The following GPN2 variants were observed in gnomAD, a reference collection of about 807,000 sequenced individuals.
GPN2 encodes the protein ATP-binding domain 1 family member B.
In GPN2, 27 loss-of-function variants were observed where a neutral mutation model predicts 30.1. That is an observed-to-expected ratio of 0.90 (90% CI 0.66 to 1.24). GPN2 has a LOEUF of 1.24. Ranked by LOEUF, GPN2 falls within the 50% of genes most tolerant of loss-of-function variation. GPN2 has a pLI of 0.00. For synonymous variants in GPN2, 212 were observed against 174.4 expected (o/e 1.22, Z -1.70); for missense variants, 406 against 405.4 (o/e 1.00, Z -0.01).
intron 1 of GPN2, 101 bp from the exon 2 acceptor site, chr1:26,889,226 T>C: frequency 1.2e-6 from 1 of 869,034 alleles, no homozygotes; most frequent in Non-Finnish European, 1.8e-6. Context: ...CTTTCCCCAT[T>C]AGTCTCCTGC....
chr1:26,882,971 C>G (rs997742898), intron 4 of GPN2, among the ~76,000 whole-genome samples: 1 of 152,244 alleles, frequency 6.6e-6, no homozygotes, highest in Non-Finnish European at 1.5e-5. Flanking sequence ...CTATCCCATT[C>G]AGTCACTGAC....
chr1:26,885,869 G>A (rs1028929505), intron 3 of GPN2, 104 bp downstream of exon 3: 21 of 902,294 alleles, frequency 2.3e-5, no homozygotes, highest in South Asian at 1.2e-4. Context: ...TTGAGCAACC[G>A]CGCCCAGCCG....
chr1:26,889,795 G>C lies in GPN2; in HGVS notation c.302C>G (p.Pro101Arg). 1 of 1,613,906 alleles carries C rather than the reference G, an allele frequency of 6.2e-7. No homozygotes were observed. Among genetic ancestry groups the C allele is most frequent in the Middle Eastern group, 1.6e-4 (1 of 6,062 alleles). ...NLDWLRAKLD[P>R]LRGHYFLFDC... ...GAAGAGGAAGTAGTGGCCGCGGAGG[G>C]GGTCGAGCTTGGCACGCAGCCAGTC... The change falls in exon 1 of 5, where the codon CCC (proline) becomes CGC (arginine). Residue 101 changes from proline to arginine, a missense_variant. By Grantham distance (103) the Pro-to-Arg change is moderately radical. Coordinates refer to ENST00000374135, the MANE Select transcript of GPN2 (RefSeq NM_018066.4).
At chr1:26,881,927 A>G (rs545309167) in intron 4 of GPN2, among the ~76,000 whole-genome samples, 2 of 151,972 alleles carry the variant, frequency 1.3e-5, no homozygotes, top group Admixed American at 6.6e-5. Context: ...TAAATATAAA[A>G]GTTGCAGGCC....
Position 26,889,822 on chromosome 1 carries a change from A to G in GPN2, c.275T>C (p.Leu92Pro). ...LYCMEYLEAN[L>P]DWLRAKLDPL... ...GTCGAGCTTGGCACGCAGCCAGTCC[A>G]GGTTGGCTTCCAGGTACTCCATGCA... The change falls in exon 1 of 5, where the codon CTG (leucine) becomes CCG (proline). Residue 92 changes from leucine (L) to proline (P), a missense_variant. By Grantham distance (98) the Leu-to-Pro change is moderately conservative (BLOSUM62 -3). Transcript: ENST00000374135. 6.2e-7 allele frequency: 1 copy of G among 1,613,812 alleles called. No individual in the cohort carries two copies. Among genetic ancestry groups the G allele is most frequent in the Non-Finnish European group, 8.5e-7 (1 of 1,180,018 alleles).
rs1253758566 is a variant in GPN2, at chr1:26,878,652, T to C, written c.*1025A>G. 3.3e-5 allele frequency: 5 copies of C among 151,418 alleles called. No homozygotes were observed. The highest frequency in any genetic ancestry group is 3.3e-4 in the Admixed American group (5 of 15,206). The allele number at this position is 151,418 out of a possible 1,614,324, so 9.4% of individuals were successfully genotyped here. A position where few individuals can be genotyped will look rare whatever the true frequency, so the allele number is the denominator to read the frequency against. ...GCTCTGTCACCAGGCTGGAGTGCAG[T>C]GGTGCAATCTCAGCTCACTGTAACC... is the stretch of plus-strand genomic sequence containing the variant. On this transcript the variant is annotated 3_prime_UTR_variant, in exon 5 of 5. Coordinates refer to ENST00000374135, the MANE Select transcript of GPN2 (RefSeq NM_018066.4).
At chr1:26,885,951 G>A in intron 3 of GPN2, 22 bp downstream of exon 3, 2 of 1,583,548 alleles carry the variant, frequency 1.3e-6, no homozygotes, top group Non-Finnish European at 1.7e-6. Context: ...ACTGTCAAGA[G>A]TCCCGTCTTA....
rs770326212 is a variant in GPN2 at position 26,884,208 on chromosome 1, A to G, written c.812T>C (p.Leu271Ser). Residue 271 changes from leucine to serine, a missense_variant, in exon 4 of 5, where the codon TTG becomes TCG. Transcript: ENST00000374135. ...CATTGCGGCAGACATCATGGCTTCCAAGCTTCGCTGCTCTTGGGCTCTGAA... is the reference window on the plus strand; with the variant it reads ...CATTGCGGCAGACATCATGGCTTCCGAGCTTCGCTGCTCTTGGGCTCTGAA... ...YCFRAQEQRS[L>S]EAMMSAAMGA... 1 of 1,614,068 alleles carries G rather than the reference A, an allele frequency of 6.2e-7. No homozygotes were observed. Among genetic ancestry groups the G allele is most frequent in the Non-Finnish European group, 8.5e-7 (1 of 1,180,002 alleles).
intron 4 of GPN2, among the ~76,000 whole-genome samples, chr1:26,882,507 C>T (rs2081869570): frequency 1.3e-5 from 2 of 152,130 alleles, no homozygotes; most frequent in Admixed American, 6.6e-5. Flanking sequence ...ATAAGTCATT[C>T]CTCCAACCCC....
intron 2 of GPN2, chr1:26,886,481 G>T (rs775243561): frequency 2.2e-6 from 1 of 457,004 alleles, no homozygotes; most frequent in South Asian, 1.6e-5. Flanking sequence ...GATTACCTGA[G>T]GTCAGGAGTT....
At position 26,890,246 on chromosome 1, in the gene GPN2, C is replaced by A; in HGVS notation, c.-150G>T. ...TCAGGCGGAACAGCTGAGACCGTGT[C>A]GCGCAAAAGGAGATAACAGGCCGAT... On this transcript the variant is annotated 5_prime_UTR_variant, in exon 1 of 5. Transcript: ENST00000374135. 1.5e-6 allele frequency: 1 copy of A among 675,976 alleles called. No homozygotes were observed. The highest frequency in any genetic ancestry group is 2.4e-6 in the Non-Finnish European group (1 of 420,618). 41.9% of individuals were successfully genotyped at this position (675,976 alleles called of 1,614,324 possible).
chr1:26,889,152 T>G (rs748771304), intron 1 of GPN2, 27 bp from the exon 2 acceptor site: 1 of 1,595,564 alleles, frequency 6.3e-7, no homozygotes, highest in East Asian at 2.2e-5. Flanking sequence ...AGGGTGAGAG[T>G]GGCCTGGAGA....
chr1:26,885,981 T>C lies in GPN2; in HGVS notation c.721A>G (p.Asn241Asp), dbSNP rs201901060. ...GTCTTAGCCCCTAGTACCTGGATGT[T>C]GAGAGGGATAAAGGAGACAAGGCTA... ...DYSLVSFIPLNIQDKESIQRV... is the reference protein window; with the variant it reads ...DYSLVSFIPLDIQDKESIQRV... The change falls in exon 3 of 5, where the codon AAC becomes GAC. Residue 241 changes from asparagine (N) to aspartate (D), a missense_variant. Transcript: ENST00000374135. 198 of 1,611,542 alleles carry C rather than the reference T, an allele frequency of 1.2e-4. No individual in the cohort carries two copies. Among genetic ancestry groups the C allele is most frequent in the Non-Finnish European group, 1.6e-4 (188 of 1,177,924 alleles).
chr1:26,880,455 G>C (rs889869083), intron 4 of GPN2, among the ~76,000 whole-genome samples: 3 of 152,148 alleles, frequency 2.0e-5, no homozygotes, highest in African/African-American at 7.2e-5. Context: ...TGGGACTACA[G>C]GTACATGCCA....
At position 26,879,738 on chromosome 1, in the gene GPN2, A is replaced by T. The variant is rs1231784731; in HGVS notation, c.872T>A (p.Ile291Asn). The stretch of plus-strand genomic sequence containing the variant: ...CGAGGGTGCCAGGTACTTCTCCTGG[A>T]TGCCCAGTGTGCTGAGGAAGGGTGC... The part of the protein sequence containing the change: ...ADFHFSSTLG[I>N]QEKYLAPSNQ... Residue 291 changes from isoleucine to asparagine, a missense_variant, in exon 5 of 5, where the codon ATC becomes AAC. Coordinates refer to ENST00000374135, the MANE Select transcript of GPN2 (RefSeq NM_018066.4). The T allele has an allele frequency of 6.2e-7, 1 of 1,613,516 alleles. No homozygotes were observed. Among genetic ancestry groups the T allele is most frequent in the Non-Finnish European group, 8.5e-7 (1 of 1,179,576 alleles).
intron 1 of GPN2, 46 bp from the exon 2 acceptor site, chr1:26,889,171 T>C: frequency 6.7e-7 from 1 of 1,486,884 alleles, no homozygotes; most frequent in Non-Finnish European, 9.4e-7. Context: ...GAAACAGGGA[T>C]CAGCATTCCC....
rs1290530280 is a variant in GPN2 at position 26,879,061 on chromosome 1, A to C, written c.*616T>G. 6.6e-6 allele frequency: 1 copy of C among 152,316 alleles called. No individual in the cohort carries two copies. Among genetic ancestry groups the C allele is most frequent in the Non-Finnish European group, 1.5e-5 (1 of 68,138 alleles). 9.4% of individuals were successfully genotyped at this position (152,316 alleles called of 1,614,324 possible). On this transcript the variant is annotated 3_prime_UTR_variant, in exon 5 of 5. Coordinates refer to ENST00000374135, the MANE Select transcript of GPN2 (RefSeq NM_018066.4). ...AGCTTGAGGCTCTGTTAAAACTGAAAATTGTGGGACATGGTGGCTCACACC... is the reference window on the plus strand; with the variant it reads ...AGCTTGAGGCTCTGTTAAAACTGAACATTGTGGGACATGGTGGCTCACACC...
chr1:26,886,276 G>A (rs775704261), intron 2 of GPN2, 143 bp from the exon 3 acceptor site: 15 of 639,772 alleles, frequency 2.3e-5, no homozygotes, highest in Non-Finnish European at 3.6e-5. Flanking sequence ...AAGAAAAAAA[G>A]CATTTGGTTT....
In GPN2 at chr1:26,879,186, A is replaced by C. The variant is rs1334249847; in HGVS notation, c.*491T>G. On this transcript the variant is annotated 3_prime_UTR_variant, in exon 5 of 5. Transcript: ENST00000374135. ...TATAGCAAGACCCCATCTTTTAAAA[A>C]ACAAACCTCAGAACCAAAAACTGAA... 6.3e-6 allele frequency: 1 copy of C among 158,328 alleles called. No homozygotes were observed. The highest frequency in any genetic ancestry group is 6.0e-5 in the Admixed American group (1 of 16,634). 9.8% of individuals were successfully genotyped at this position (158,328 alleles called of 1,614,324 possible).
Sources: gnomAD v4.1 joint callset for allele counts (sites outside exome capture counted in the v4.1 genomes callset) on GRCh38, gnomAD v4.1.1 for gene constraint, MANE v1.5 for transcripts, NCBI Gene and HGNC (gene_info 2026-07-23, HGNC 2026-07-21) for gene names.